The following EVC2 variants were observed in gnomAD, a reference collection of about 807,000 sequenced individuals.
The protein encoded by EVC2 is EvC ciliary complex subunit 2, also known as limbin.
A neutral mutation model predicts 149.3 loss-of-function variants in EVC2; 148 were observed. The ratio of observed to expected loss-of-function variants is 0.99; its 90% confidence interval spans 0.87 to 1.14. EVC2 has a LOEUF of 1.14. EVC2 is among the 50% of genes most tolerant of loss of function. The pLI, the probability that EVC2 is intolerant of heterozygous loss-of-function variation, is 0.00. For missense variants in EVC2, 1,854 were observed against 1,627.3 expected (o/e 1.14, Z -2.40); for synonymous variants, 776 against 649.9 (o/e 1.19, Z -2.95).
At chr4:5,550,903 G>C (rs1300635378) in intron 21 of EVC2, among the ~76,000 whole-genome samples, 1 of 152,264 alleles carries the variant, frequency 6.6e-6, no homozygotes, top group Non-Finnish European at 1.5e-5. Context: ...TGTGGCTTCA[G>C]AGGATGCAAG....
At position 5,663,095 on chromosome 4, in the gene EVC2, T is replaced by C; in HGVS notation, c.1145+12A>G. The C allele has an allele frequency of 1.9e-6, 3 of 1,614,036 alleles. No individual in the cohort carries two copies. Among genetic ancestry groups the C allele is most frequent in the African/African-American group, 2.7e-5 (2 of 75,050 alleles). On this transcript the variant is annotated intron_variant, in intron 9 of 21. Transcript: ENST00000344408. ...ACATGTGTGTAAGTATAATGGGATT[T>C]AGAATTCTTACTCTTCTAAGGCTTG...
At chr4:5,706,429 CATAGATAGATAG>C (rs368245961) in intron 1 of EVC2, among the ~76,000 whole-genome samples, 267 of 12,632 alleles carry the variant, frequency 0.021, 58 homozygotes, top group East Asian at 0.13. Context: ...TAGATAGATA[CATAGATAGATAG>C]ATAGATACAT....
chr4:5,580,756 G>A (rs149109959), intron 17 of EVC2, among the ~76,000 whole-genome samples: 27 of 78,454 alleles, frequency 3.4e-4, no homozygotes, highest in South Asian at 2.5e-3. Flanking sequence ...AATTTGCTAC[G>A]GAGTTTTATC....
chr4:5,602,167 A>G (rs958155977), intron 16 of EVC2, among the ~76,000 whole-genome samples: 2 of 151,950 alleles, frequency 1.3e-5, no homozygotes, highest in Admixed American at 1.3e-4. Flanking sequence ...CATGCCTGTA[A>G]TCCCAGCTAC....
rs1185953709 is a variant in EVC2 at position 5,612,940 on chromosome 4, A to G, written c.2829+2482T>C. Among the ~76,000 whole-genome samples the G allele has an allele frequency of 5.3e-5, 8 of 150,762 alleles. No individual in the cohort carries two copies. The East Asian group carries it at 9.7e-4, about 18-fold the overall frequency. ...CTGTCTCCAAAAAAAAAAAAAAAAA[A>G]AAAAAAAAAGAAATAATTATGAGAC... On this transcript the variant is annotated intron_variant, in intron 16 of 21. Transcript: ENST00000344408.
At chr4:5,635,793 G>T (rs1168785756) in intron 10 of EVC2, among the ~76,000 whole-genome samples, 1 of 152,160 alleles carries the variant, frequency 6.6e-6, no homozygotes, top group African/African-American at 2.4e-5. Flanking sequence ...ACATCTGCTG[G>T]GCCTCCTCTT....
intron 16 of EVC2, among the ~76,000 whole-genome samples, chr4:5,589,123 T>G (rs1184876599): frequency 2.0e-5 from 3 of 152,260 alleles, no homozygotes; most frequent in Admixed American, 2.0e-4. Flanking sequence ...TTTTTGTGTT[T>G]CTATAATTAT....
chr4:5,544,916 CT>C (rs1346697008), intron 21 of EVC2, among the ~76,000 whole-genome samples: 1 of 152,214 alleles, frequency 6.6e-6, no homozygotes, highest in African/African-American at 2.4e-5. Context: ...CTCCTCACTC[CT>C]GTCTCTCCAG....
At chr4:5,579,581 C>T (rs1192501667) in intron 17 of EVC2, among the ~76,000 whole-genome samples, 2 of 152,186 alleles carry the variant, frequency 1.3e-5, no homozygotes, top group African/African-American at 2.4e-5. Flanking sequence ...GTAGCTCACA[C>T]CTGTAATCCC....
chr4:5,669,099 C>G (rs1163090669), intron 7 of EVC2, among the ~76,000 whole-genome samples: 1 of 152,134 alleles, frequency 6.6e-6, no homozygotes, highest in African/African-American at 2.4e-5. Flanking sequence ...TCTGAGCCAC[C>G]AGAAGCTAAG....
chr4:5,631,464 A>G (rs1274194524), intron 11 of EVC2, among the ~76,000 whole-genome samples: 3 of 152,196 alleles, frequency 2.0e-5, no homozygotes, highest in South Asian at 2.1e-4. Context: ...TCAAATTTCC[A>G]TCACACCCTC....
Position 5,568,575 on chromosome 4 carries a change from G to A in EVC2, c.3426C>T (p.Leu1142=), listed in dbSNP as rs1321179195. 1.9e-6 allele frequency: 3 copies of A among 1,607,340 alleles called. No homozygotes were observed. Among genetic ancestry groups the A allele is most frequent in the South Asian group, 1.1e-5 (1 of 89,814 alleles). ...AGGCTGTGGGCAGTACCACACTCAG[G>A]AGCCGGCGAAGCGTGGCCCCGGGCA... ...AMVPGATLRR[L]LSVVLPTASQ... is the part of the protein sequence containing the mutation. Residue 1142 remains leucine (L), a synonymous_variant, in exon 20 of 22, where the codon CTC becomes CTT. Transcript: ENST00000344408.
At chr4:5,599,373 A>G (rs1248213415) in intron 16 of EVC2, among the ~76,000 whole-genome samples, 1 of 152,178 alleles carries the variant, frequency 6.6e-6, no homozygotes, top group Non-Finnish European at 1.5e-5. Context: ...CATATACACC[A>G]TGGAATACTA....
rs1386705663 is a variant in EVC2 at position 5,657,021 on chromosome 4, G to A, written c.1145+6086C>T. ...GCAGAACTGGGACTCAACGCTAGCAGTCAGGCCTGGGTTTTAACCACTGGG... is the reference window on the plus strand; with the variant it reads ...GCAGAACTGGGACTCAACGCTAGCAATCAGGCCTGGGTTTTAACCACTGGG... On this transcript the variant is annotated intron_variant, in intron 9 of 21. Coordinates refer to ENST00000344408, the MANE Select transcript of EVC2 (RefSeq NM_147127.5). The surrounding 1 kb of genome is among the most constrained non-coding windows in gnomAD (Gnocchi z 4.7). 6.6e-6 allele frequency among the ~76,000 whole-genome samples: 1 copy of A among 152,150 alleles called. No individual in the cohort carries two copies. The highest frequency in any genetic ancestry group is 1.5e-5 in the Non-Finnish European group (1 of 68,032).
chr4:5,614,138 C>T lies in EVC2; in HGVS notation c.2829+1284G>A, dbSNP rs1455387759. On this transcript the variant is annotated intron_variant, in intron 16 of 21. Transcript: ENST00000344408. This position sits in a 1 kb window ranked among gnomAD's most constrained non-coding sequence, Gnocchi z 4.7. ...AGACACTCAGGCTGCGGTCACACAGCGTCTACTCTTAAGCAGCACCTTTGC... is the reference window on the plus strand; with the variant it reads ...AGACACTCAGGCTGCGGTCACACAGTGTCTACTCTTAAGCAGCACCTTTGC... Among the ~76,000 whole-genome samples, 1 of 152,130 alleles carries T rather than the reference C, an allele frequency of 6.6e-6. No homozygotes were observed. The highest frequency in any genetic ancestry group is 6.5e-5 in the Admixed American group (1 of 15,280).
chr4:5,618,396 G>T lies in EVC2; in HGVS notation c.2706+82C>A. ...GCATGAGGTGAGATGGGCTCAGGCT[G>T]GGGAAGAGGCCAGACCCTGTAGGGC... On this transcript the variant is annotated intron_variant, in intron 15 of 21. Coordinates refer to ENST00000344408, the MANE Select transcript of EVC2 (RefSeq NM_147127.5). This position sits in a 1 kb window ranked among gnomAD's most constrained non-coding sequence, Gnocchi z 4.4. 6.6e-7 allele frequency: 1 copy of T among 1,516,126 alleles called. No homozygotes were observed. Among genetic ancestry groups the T allele is most frequent in the Non-Finnish European group, 9.1e-7 (1 of 1,096,666 alleles). The allele number at this position is 1,516,126 out of a possible 1,614,324, so 93.9% of individuals were successfully genotyped here. A position where few individuals can be genotyped will look rare whatever the true frequency, so the allele number is the denominator to read the frequency against.
intron 16 of EVC2, among the ~76,000 whole-genome samples, chr4:5,597,270 A>G (rs1166946994): frequency 6.6e-6 from 1 of 152,226 alleles, no homozygotes; most frequent in Non-Finnish European, 1.5e-5. Flanking sequence ...ACCAAAAAAG[A>G]GAATTTTAGA....
Position 5,695,593 on chromosome 4 carries a change from G to C in EVC2, c.284-1092C>G, listed in dbSNP as rs374217005. Reference sequence around the variant, plus strand: ...TCCCCTCACCTGGGTGTGTGGTTAAGATACCAATCAGACAGGGCTGTTGTC... The same window carrying C: ...TCCCCTCACCTGGGTGTGTGGTTAACATACCAATCAGACAGGGCTGTTGTC... On this transcript the variant is annotated intron_variant, in intron 2 of 21. Coordinates refer to ENST00000344408, the MANE Select transcript of EVC2 (RefSeq NM_147127.5). Among the ~76,000 whole-genome samples, 5 of 152,300 alleles carry C rather than the reference G, an allele frequency of 3.3e-5. 1 individual carries two copies. The highest frequency in any genetic ancestry group is 2.1e-4 in the South Asian group (1 of 4,820).
In EVC2 at chr4:5,625,739, C is replaced by T; in HGVS notation, c.2046+10G>A. 5 of 1,614,088 alleles carry T rather than the reference C, an allele frequency of 3.1e-6. No homozygotes were observed. Among genetic ancestry groups the T allele is most frequent in the Non-Finnish European group, 4.2e-6 (5 of 1,180,024 alleles). On this transcript the variant is annotated intron_variant, in intron 13 of 21. Coordinates refer to ENST00000344408, the MANE Select transcript of EVC2 (RefSeq NM_147127.5). This position sits in a 1 kb window ranked among gnomAD's most constrained non-coding sequence, Gnocchi z 4.0. Reference sequence around the variant, plus strand: ...TATGCAAAGAATAAATAGCATCATGCCTTATATACCTTTTGTAGCAACTCT... The same window carrying T: ...TATGCAAAGAATAAATAGCATCATGTCTTATATACCTTTTGTAGCAACTCT...
Sources: gnomAD v4.1 joint callset for allele counts (sites outside exome capture counted in the v4.1 genomes callset) on GRCh38, gnomAD v4.1.1 for gene constraint, Gnocchi (gnomAD v3.1) non-coding constraint, MANE v1.5 for transcripts, NCBI Gene and HGNC (gene_info 2026-07-23, HGNC 2026-07-21) for gene names.